Variants in GIT2 observed in about 807,000 individuals in gnomAD.
GIT2 encodes the protein GIT ArfGAP 2.
Under a neutral mutation model 100.3 loss-of-function variants are expected in GIT2, and 32 were observed. The ratio of observed to expected loss-of-function variants is 0.32; its 90% CI spans 0.24 to 0.43. GIT2 has a LOEUF of 0.43. GIT2 is among the 20% of genes least tolerant of loss of function. The pLI, the probability that GIT2 is intolerant of heterozygous loss-of-function variation, is 1.00. For missense variants in GIT2, 737 were observed against 975.1 expected (o/e 0.76, Z 3.25); for synonymous variants, 353 against 364.1 (o/e 0.97, Z 0.35).
chr12:109,939,894 C>A (rs1874193048), intron 16 of GIT2: 1 of 151,944 alleles, frequency 6.6e-6, no homozygotes, highest in Non-Finnish European at 1.5e-5. Context: ...AACAAACAAA[C>A]AAAAAAACAT....
chr12:109,960,291 A>C (rs1218575536), intron 11 of GIT2, among the ~76,000 whole-genome samples: 1 of 152,222 alleles, frequency 6.6e-6, no homozygotes, highest in Non-Finnish European at 1.5e-5. Context: ...TTGGAAGTAG[A>C]CCCAGTAATA....
rs114750446 is a variant in GIT2, at chr12:109,966,895, C to A, written c.764+563G>T. On this transcript the variant is annotated intron_variant, in intron 8 of 19. Coordinates refer to ENST00000355312, the MANE Select transcript of GIT2 (RefSeq NM_057169.5). ...TCAGTTGAGCTAGGAATGGTTTTTA[C>A]GTTTTAAAATGTTTGGGGGCAAAAA... is the stretch of plus-strand genomic sequence containing the variant. Among the ~76,000 whole-genome samples the A allele has an allele frequency of 4.4e-3, 672 of 152,192 alleles. 6 individuals carry two copies. The highest frequency in any genetic ancestry group is 0.016 in the African/African-American group (653 of 41,542).
At chr12:109,993,034 A>G (rs758323327) in intron 1 of GIT2, among the ~76,000 whole-genome samples, 21 of 152,106 alleles carry the variant, frequency 1.4e-4, no homozygotes, top group Admixed American at 5.2e-4. Context: ...AAAAAAAAAG[A>G]AGTTGCAATA....
chr12:109,975,358 A>G (rs1372120943), intron 7 of GIT2, among the ~76,000 whole-genome samples: 2 of 152,018 alleles, frequency 1.3e-5, no homozygotes, highest in African/African-American at 4.8e-5. Flanking sequence ...GGCATGCACC[A>G]CCATGCCTGG....
At chr12:109,957,505 A>G (rs967625593) in intron 12 of GIT2, among the ~76,000 whole-genome samples, 2 of 150,796 alleles carry the variant, frequency 1.3e-5, no homozygotes, top group Admixed American at 6.6e-5. Flanking sequence ...AAAGATAAGT[A>G]TGTATTTTTT....
intron 4 of GIT2, among the ~76,000 whole-genome samples, chr12:109,987,858 A>G (rs559260172): frequency 1.3e-5 from 2 of 152,336 alleles, no homozygotes; most frequent in Admixed American, 1.3e-4. Context: ...AAATATGCAC[A>G]TTTCTTACAG....
chr12:109,942,756 A>C (rs756956492), intron 16 of GIT2: 25 of 152,260 alleles, frequency 1.6e-4, no homozygotes, highest in Admixed American at 1.3e-4. Flanking sequence ...AGTGACTCAT[A>C]TACCTAATAA....
intron 7 of GIT2, among the ~76,000 whole-genome samples, chr12:109,971,092 T>C (rs763828389): frequency 3.9e-5 from 6 of 152,142 alleles, no homozygotes; most frequent in Non-Finnish European, 8.8e-5. Context: ...GGCCTCCATT[T>C]GAATTTTAAA....
At position 109,967,951 on chromosome 12, in the gene GIT2, C is replaced by G. The variant is rs531784713; in HGVS notation, c.719-448G>C. The stretch of plus-strand genomic sequence containing the variant: ...TTGCAGATCCAGACAGGGACTCCAT[C>G]TGCAAGGAAGCTTACTGACTCAGCC... On this transcript the variant is annotated intron_variant, in intron 7 of 19. Coordinates refer to ENST00000355312, the MANE Select transcript of GIT2 (RefSeq NM_057169.5). Among the ~76,000 whole-genome samples the G allele has an allele frequency of 7.2e-5, 11 of 152,328 alleles. No individual in the cohort carries two copies. In the East Asian group the frequency reaches 2.1e-3, roughly 29 times the overall value.
chr12:109,938,498 G>T lies in GIT2; in HGVS notation c.1885C>A (p.Pro629Thr). The change falls in exon 18 of 20, where the codon CCC becomes ACC. Residue 629 changes from proline (P) to threonine (T), a missense_variant. Pro to Thr is a conservative substitution (Grantham distance 38). Transcript: ENST00000355312. The part of the protein sequence containing the change: ...GDGLVPDTAE[P>T]HVAPSPTLPS... Reference sequence around the variant, plus strand: ...AGAGTGGGGCTTGGGGCCACATGGGGTTCTGCTGTGTCTGGTACCAAGCCA... The same window carrying T: ...AGAGTGGGGCTTGGGGCCACATGGGTTTCTGCTGTGTCTGGTACCAAGCCA... 6.2e-7 allele frequency: 1 copy of T among 1,613,770 alleles called. No homozygotes were observed. The highest frequency in any genetic ancestry group is 8.5e-7 in the Non-Finnish European group (1 of 1,179,728).
intron 16 of GIT2, among the ~76,000 whole-genome samples, chr12:109,941,410 A>G (rs187551053): frequency 6.6e-6 from 1 of 152,342 alleles, no homozygotes; most frequent in Admixed American, 6.5e-5. Context: ...CTAGAAGTTT[A>G]TAGCAGGAAG....
intron 7 of GIT2, among the ~76,000 whole-genome samples, chr12:109,980,125 G>A (rs1886013046): frequency 6.6e-6 from 1 of 152,182 alleles, no homozygotes; most frequent in South Asian, 2.1e-4. Flanking sequence ...CCAGGCTGGA[G>A]TGCAGTGGCA....
At chr12:109,997,630 G>A (rs978145770), upstream of GIT2, 2 of 152,194 alleles carry the variant, frequency 1.3e-5, no homozygotes, top group Admixed American at 6.5e-5. Context: ...ACTTGTATGT[G>A]ACCAGCAAAG....
chr12:109,958,388 C>T (rs1248070732), intron 12 of GIT2, among the ~76,000 whole-genome samples: 1 of 151,906 alleles, frequency 6.6e-6, no homozygotes, highest in African/African-American at 2.4e-5. Context: ...ATTATACGCG[C>T]GTACCACCAC....
chr12:109,954,868 C>T (rs1342737648), intron 12 of GIT2, among the ~76,000 whole-genome samples: 1 of 147,298 alleles, frequency 6.8e-6, no homozygotes, highest in East Asian at 2.0e-4. Flanking sequence ...CACTGCACTC[C>T]AGCATGGATG....
rs527671543 is a variant in GIT2, at chr12:109,991,969, G to A, written c.53-209C>T. 39 of 480,316 alleles carry A rather than the reference G, an allele frequency of 8.1e-5. 1 individual carries two copies. In the South Asian group the frequency reaches 1.3e-3, roughly 16 times the overall value. 29.8% of individuals were successfully genotyped at this position (480,316 alleles called of 1,614,324 possible). A position where few individuals can be genotyped will look rare whatever the true frequency, so the allele number is the denominator to read the frequency against. On this transcript the variant is annotated intron_variant, in intron 1 of 19. Coordinates refer to ENST00000355312, the MANE Select transcript of GIT2 (RefSeq NM_057169.5). Reference sequence around the variant, plus strand: ...ATGTTAATTGAGACTAAAAACACCAGTGGGAGCCTTGGGTAAACAGTTATC... The same window carrying A: ...ATGTTAATTGAGACTAAAAACACCAATGGGAGCCTTGGGTAAACAGTTATC...
intron 7 of GIT2, among the ~76,000 whole-genome samples, chr12:109,976,283 A>AC (rs1885024014): frequency 7.4e-6 from 1 of 134,932 alleles, no homozygotes; most frequent in African/African-American, 2.9e-5. Context: ...CTACTAGATA[A>AC]TTTTTTTTTT....
At chr12:109,943,859 T>A (rs987557880) in intron 16 of GIT2, among the ~76,000 whole-genome samples, 2 of 151,764 alleles carry the variant, frequency 1.3e-5, no homozygotes, top group African/African-American at 4.8e-5. Context: ...ACCCGGATAA[T>A]TTTTTATATT....
Position 109,965,476 on chromosome 12 carries a change from G to GGGT in GIT2, c.816+47_816+49dup, listed in dbSNP as rs1565977423. ...CCTGCATTCAGAGTAGGTATCAGCAGGGTGCACTGATTCTCATACTAGAGA... is the reference window on the plus strand; with the variant it reads ...CCTGCATTCAGAGTAGGTATCAGCAGGGTGGTGCACTGATTCTCATACTAGAGA... On this transcript the variant is annotated intron_variant, in intron 9 of 19. Coordinates refer to ENST00000355312, the MANE Select transcript of GIT2 (RefSeq NM_057169.5). 5 of 1,005,072 alleles carry GGGT rather than the reference G, an allele frequency of 5.0e-6. No individual in the cohort carries two copies. In the Admixed American group the frequency reaches 1.0e-4, roughly 20 times the overall value. 62.3% of individuals were successfully genotyped at this position (1,005,072 alleles called of 1,614,324 possible).
Sources: gnomAD v4.1 joint callset for allele counts (sites outside exome capture counted in the v4.1 genomes callset) on GRCh38, gnomAD v4.1.1 for gene constraint, MANE v1.5 for transcripts, NCBI Gene and HGNC (gene_info 2026-07-23, HGNC 2026-07-21) for gene names.